The following WDFY3 variants were observed in gnomAD, a reference collection of about 807,000 sequenced individuals.
WDFY3 encodes WD repeat and FYVE domain-containing protein 3.
In WDFY3, 66 loss-of-function variants were observed where a neutral mutation model predicts 409.6. The ratio of observed to expected loss-of-function variants is 0.16; its 90% CI spans 0.13 to 0.20. WDFY3 has a LOEUF of 0.20. WDFY3 is among the 10% of genes least tolerant of loss of function. WDFY3 has a pLI of 1.00. For synonymous variants in WDFY3, 1,521 were observed against 1,537.1 expected (o/e 0.99, Z 0.25); for missense variants, 3,031 against 4,298.1 (o/e 0.71, Z 8.24).
chr4:84,704,656 C>T (rs894819224), intron 54 of WDFY3, among the ~76,000 whole-genome samples: 3 of 152,128 alleles, frequency 2.0e-5, no homozygotes, highest in African/African-American at 7.2e-5. Context: ...ATTCAATGGC[C>T]TATTCCCACA....
chr4:84,831,796 C>T (rs1015839657), intron 7 of WDFY3, among the ~76,000 whole-genome samples, 191 bp from the exon 8 acceptor site: 1 of 152,030 alleles, frequency 6.6e-6, no homozygotes, highest in African/African-American at 2.4e-5. Flanking sequence ...AAAGTATCAC[C>T]TCAAGCCAGT....
chr4:84,727,285 C>T (rs113216935), intron 44 of WDFY3, among the ~76,000 whole-genome samples: 2 of 151,988 alleles, frequency 1.3e-5, no homozygotes, highest in Non-Finnish European at 2.9e-5. Context: ...ATAATAGAAC[C>T]TAATGCTAGC....
At chr4:84,727,816 A>G (rs1332261816) in intron 44 of WDFY3, among the ~76,000 whole-genome samples, 1 of 152,214 alleles carries the variant, frequency 6.6e-6, no homozygotes, top group Non-Finnish European at 1.5e-5. Context: ...AGGCATACTT[A>G]CAAATACTTC....
At chr4:84,928,440 C>A (rs1261807948) in intron 2 of WDFY3, among the ~76,000 whole-genome samples, 1 of 152,150 alleles carries the variant, frequency 6.6e-6, no homozygotes, top group African/African-American at 2.4e-5. Context: ...CTAATAAATT[C>A]TTTCTCATAT....
Position 84,719,064 on chromosome 4 carries a change from C to G in WDFY3, c.7606-494G>C, listed in dbSNP as rs143921698. ...GGTCAAGTTTCTTAATTTCTCTGAGCCTCCATGTCTTTTTTTGTAAGTTTC... is the reference window on the plus strand; with the variant it reads ...GGTCAAGTTTCTTAATTTCTCTGAGGCTCCATGTCTTTTTTTGTAAGTTTC... On this transcript the variant is annotated intron_variant, in intron 47 of 67. Coordinates refer to ENST00000295888, the MANE Select transcript of WDFY3 (RefSeq NM_014991.6). Among the ~76,000 whole-genome samples, 57 of 152,240 alleles carry G rather than the reference C, an allele frequency of 3.7e-4. No homozygotes were observed. The East Asian group carries it at 8.5e-3, about 23-fold the overall frequency.
chr4:84,707,756 C>T (rs1447206745), intron 53 of WDFY3, among the ~76,000 whole-genome samples: 1 of 152,160 alleles, frequency 6.6e-6, no homozygotes, highest in Admixed American at 6.5e-5. Context: ...ATCTTTACTC[C>T]TGAGCTCTTC....
At chr4:84,881,940 T>G (rs971056444) in intron 3 of WDFY3, among the ~76,000 whole-genome samples, 1 of 152,172 alleles carries the variant, frequency 6.6e-6, no homozygotes, top group Admixed American at 6.5e-5. Flanking sequence ...GTTTCTGTTT[T>G]AAAGTATGTA....
chr4:84,825,431 ATGACAGCTCAC>A (rs1754716766), intron 10 of WDFY3, among the ~76,000 whole-genome samples: 1 of 148,514 alleles, frequency 6.7e-6, no homozygotes, highest in Admixed American at 6.8e-5. Flanking sequence ...CAGTGGTGTG[ATGACAGCTCAC>A]TGCAGCTTTG....
chr4:84,947,748 G>C (rs888580498), intron 1 of WDFY3, among the ~76,000 whole-genome samples: 6 of 150,068 alleles, frequency 4.0e-5, no homozygotes, highest in Non-Finnish European at 7.4e-5. Context: ...CAGGCATGGT[G>C]GCATGTGCCT....
intron 2 of WDFY3, among the ~76,000 whole-genome samples, chr4:84,900,714 G>A (rs1292628348): frequency 6.6e-6 from 1 of 152,150 alleles, no homozygotes; most frequent in African/African-American, 2.4e-5. Flanking sequence ...AACAGAACAA[G>A]GAAGTTTTTT....
In WDFY3 at chr4:84,735,112, C is replaced by A. The variant is rs1006952003; in HGVS notation, c.6924G>T (p.Ser2308=). ...CAGCAATGTGAGTAAACATCCACTG[C>A]GAAATCTCCTAACAATGGATGGAAA... ...NKHSLSTQEI[S]QWMFTHIAVV... The change falls in exon 43 of 68, where the codon TCG becomes TCT. Residue 2308 remains serine, a synonymous_variant. Transcript: ENST00000295888. 3.1e-6 allele frequency: 5 copies of A among 1,612,028 alleles called. No homozygotes were observed. Among genetic ancestry groups the A allele is most frequent in the Admixed American group, 1.7e-5 (1 of 59,876 alleles).
At chr4:84,750,604 T>C (rs1287740837) in intron 36 of WDFY3, among the ~76,000 whole-genome samples, 8 of 152,252 alleles carry the variant, frequency 5.3e-5, no homozygotes, top group African/African-American at 1.9e-4. Flanking sequence ...CATGGACTGT[T>C]TGACCTTATT....
At chr4:84,723,639 CTT>C (rs1311682891) in intron 46 of WDFY3, among the ~76,000 whole-genome samples, 9 of 152,058 alleles carry the variant, frequency 5.9e-5, no homozygotes, top group Admixed American at 2.0e-4. Context: ...AAAAATCTGT[CTT>C]TGAGAAAAAC....
At chr4:84,773,451 A>G (rs983660420) in intron 29 of WDFY3, among the ~76,000 whole-genome samples, 12 of 152,188 alleles carry the variant, frequency 7.9e-5, no homozygotes, top group Admixed American at 6.5e-4. Flanking sequence ...TTGGGTTTAC[A>G]TATATGATTA....
intron 17 of WDFY3, among the ~76,000 whole-genome samples, chr4:84,800,824 G>C (rs904079066): frequency 1.3e-5 from 2 of 152,104 alleles, no homozygotes; most frequent in African/African-American, 2.4e-5. Context: ...TAGGGTTCAC[G>C]CTCCTATGAG....
intron 30 of WDFY3, among the ~76,000 whole-genome samples, chr4:84,770,735 CTT>C (rs1401930158): frequency 6.6e-6 from 1 of 152,176 alleles, no homozygotes; most frequent in African/African-American, 2.4e-5. Flanking sequence ...TATCACAAAA[CTT>C]ACTCTAAGAG....
chr4:84,704,725 T>C (rs185107054), intron 54 of WDFY3, among the ~76,000 whole-genome samples: 2 of 152,350 alleles, frequency 1.3e-5, no homozygotes, highest in East Asian at 3.9e-4. Flanking sequence ...TAACCCTTAA[T>C]AGTAGACCAT....
chr4:84,724,644 A>C, intron 45 of WDFY3, 50 bp from the exon 46 acceptor site: 1 of 1,583,196 alleles, frequency 6.3e-7, no homozygotes, highest in Non-Finnish European at 8.6e-7. Context: ...CCAAGAATTA[A>C]AACGTAATAT....
At chr4:84,762,052 T>C (rs1253727474) in intron 32 of WDFY3, among the ~76,000 whole-genome samples, 1 of 152,180 alleles carries the variant, frequency 6.6e-6, no homozygotes, top group African/African-American at 2.4e-5. Context: ...GAAGTCAGTG[T>C]GGTGATTCCT....
Sources: allele counts gnomAD v4.1 joint callset (sites outside exome capture counted in the v4.1 genomes callset), GRCh38; gene constraint gnomAD v4.1.1; transcripts MANE v1.5; gene names NCBI Gene and HGNC (gene_info 2026-07-23, HGNC 2026-07-21).